PIEZO2: variants seen among roughly 807,000 people sequenced by gnomAD.
PIEZO2 encodes piezo type mechanosensitive ion channel component 2.
PIEZO2 carries 172 observed loss-of-function variants against 337.3 expected under a neutral mutation model. The observed-to-expected ratio is 0.51, with a 90% CI of 0.45 to 0.58. The LOEUF (loss-of-function observed/expected upper bound fraction) is 0.58, where lower values mean the gene tolerates loss of function less well. Ranked by LOEUF, PIEZO2 falls within the 20% of genes least tolerant of loss-of-function variation. The probability of loss-of-function intolerance (pLI) is 0.00; values close to 1 mark genes in which losing one functional copy is unlikely to be tolerated. For missense variants in PIEZO2, 3,028 were observed against 3,391.3 expected, an observed-to-expected ratio of 0.89 and a Z score of 2.66; for synonymous variants, 1,251 against 1,228.5, an observed-to-expected ratio of 1.02 and a Z score of -0.38.
rs2035540637 is a variant in PIEZO2 at position 10,705,480 on chromosome 18, T to C, written c.5855A>G (p.His1952Arg). Residue 1952 changes from histidine to arginine, a missense_variant, in exon 41 of 56, where the codon CAT (histidine) becomes CGT (arginine). Physicochemically the swap from His to Arg is conservative, Grantham distance 29 (BLOSUM62 0). Around this residue, in one of 5 missense-constraint regions of PIEZO2, gnomAD observed 1,925 missense variants for 2,051.9 expected, o/e 0.94. Transcript: ENST00000674853. ...GTCGTCCTGCGAGCCGAAGGACAGA[T>C]GCTCGAAGCTCACAGCCTTGCTGTA... ...PSYSKAVSFE[H>R]LSFGSQDDSA... The C allele has an allele frequency of 1.8e-5, 27 of 1,537,280 alleles. No individual in the cohort carries two copies. Among genetic ancestry groups the C allele is most frequent in the Non-Finnish European group, 2.2e-5 (25 of 1,146,914 alleles).
At chr18:10,681,592 T>C in intron 51 of PIEZO2, 69 bp downstream of exon 51, 2 of 1,309,920 alleles carry the variant, frequency 1.5e-6, no homozygotes, top group Non-Finnish European at 2.2e-6. Flanking sequence ...GGCAAAGCAT[T>C]AAATGACAAT....
intron 8 of PIEZO2, among the ~76,000 whole-genome samples, chr18:10,805,051 C>G (rs995022678): frequency 6.6e-6 from 1 of 152,180 alleles, no homozygotes. Flanking sequence ...CCAGACAGCA[C>G]ATGGCAGTGG....
rs926816455 is a variant in PIEZO2, at chr18:11,132,447, G to T, written c.64+16078C>A. On this transcript the variant is annotated intron_variant, in intron 1 of 55. Transcript: ENST00000674853. The surrounding 1 kb of genome is among the most constrained non-coding windows in gnomAD (Gnocchi z 4.7). ...CAGCTAGGTAACAGTACTTTGCAGG[G>T]CTGGGGCAAAGTTCTCCAGAAGGCC... Among the ~76,000 whole-genome samples the T allele has an allele frequency of 3.9e-5, 6 of 152,138 alleles. No individual in the cohort carries two copies. Among genetic ancestry groups the T allele is most frequent in the Admixed American group, 3.9e-4 (6 of 15,284 alleles).
intron 27 of PIEZO2, among the ~76,000 whole-genome samples, chr18:10,756,508 G>C (rs1222935207): frequency 2.7e-5 from 4 of 149,714 alleles, no homozygotes; most frequent in Admixed American, 2.7e-4. Flanking sequence ...GAGAAATGGA[G>C]GATGAGGAGG....
Position 11,035,433 on chromosome 18 carries a change from C to T in PIEZO2, c.160+30694G>A, listed in dbSNP as rs1568316341. The stretch of plus-strand genomic sequence containing the variant: ...CTTCCTGAGGTCTTGACCAGAAGAA[C>T]GCCAGTGCCGTGCTTGCACAGCCTG... On this transcript the variant is annotated intron_variant, in intron 2 of 55. Transcript: ENST00000674853. The surrounding 1 kb of genome is among the most constrained non-coding windows in gnomAD (Gnocchi z 4.3). Among the ~76,000 whole-genome samples, 1 of 152,080 alleles carries T rather than the reference C, an allele frequency of 6.6e-6. No homozygotes were observed.
Position 10,945,807 on chromosome 18 carries a change from T to C in PIEZO2, c.286+33728A>G, listed in dbSNP as rs1451062630. ...CCATATGTTCAAACAGTTAAGTAGA[T>C]ATAGAGAAGACATCAAAAGAAAAAA... On this transcript the variant is annotated intron_variant, in intron 3 of 55. Coordinates refer to ENST00000674853, the MANE Select transcript of PIEZO2 (RefSeq NM_001378183.1). The surrounding 1 kb of genome is among the most constrained non-coding windows in gnomAD (Gnocchi z 4.0). Among the ~76,000 whole-genome samples, 1 of 152,192 alleles carries C rather than the reference T, an allele frequency of 6.6e-6. No individual in the cohort carries two copies.
chr18:10,955,301 C>G (rs264181), intron 3 of PIEZO2, among the ~76,000 whole-genome samples: 88,395 of 151,932 alleles, frequency 0.58, 26,055 homozygotes, highest in African/African-American at 0.65. Context: ...GGTAGGAAAA[C>G]GAAAACAGAA....
At chr18:10,873,498 T>C (rs764718213) in intron 4 of PIEZO2, among the ~76,000 whole-genome samples, 9 of 152,196 alleles carry the variant, frequency 5.9e-5, no homozygotes, top group Admixed American at 2.6e-4. Flanking sequence ...CATTTATACT[T>C]AACAAAACTA....
chr18:10,817,650 G>A lies in PIEZO2; in HGVS notation c.918-10376C>T, dbSNP rs543568072. Reference sequence around the variant, plus strand: ...AAATAGTAGGACTTTATGGCTGGGCGCGGTGGCTCACGCCTGTAATCCTAG... The same window carrying A: ...AAATAGTAGGACTTTATGGCTGGGCACGGTGGCTCACGCCTGTAATCCTAG... On this transcript the variant is annotated intron_variant, in intron 7 of 55. Coordinates refer to ENST00000674853, the MANE Select transcript of PIEZO2 (RefSeq NM_001378183.1). Among the ~76,000 whole-genome samples the A allele has an allele frequency of 2.3e-3, 352 of 152,222 alleles. 1 individual carries two copies. The highest frequency in any genetic ancestry group is 7.7e-3 in the African/African-American group (322 of 41,558).
At chr18:10,680,471 T>G in intron 51 of PIEZO2, 100 bp from the exon 52 acceptor site, 1 of 1,153,894 alleles carries the variant, frequency 8.7e-7, no homozygotes, top group Non-Finnish European at 1.2e-6. Flanking sequence ...TGGAAAAGGT[T>G]TCTCCCTTTG....
chr18:10,930,684 G>C (rs1355592313), intron 3 of PIEZO2, among the ~76,000 whole-genome samples: 1 of 152,186 alleles, frequency 6.6e-6, no homozygotes, highest in African/African-American at 2.4e-5. Flanking sequence ...AAACCTACAT[G>C]ATCTGGTCAC....
At position 11,110,997 on chromosome 18, in the gene PIEZO2, G is replaced by A. The variant is rs1289067732; in HGVS notation, c.64+37528C>T. Among the ~76,000 whole-genome samples the A allele has an allele frequency of 1.3e-5, 2 of 152,316 alleles. No individual in the cohort carries two copies. The highest frequency in any genetic ancestry group is 1.9e-4 in the East Asian group (1 of 5,182). On this transcript the variant is annotated intron_variant, in intron 1 of 55. Transcript: ENST00000674853. This position sits in a 1 kb window ranked among gnomAD's most constrained non-coding sequence, Gnocchi z 4.2. ...GAGAGCCACTGCAGGGCTTCGGAAC[G>A]GAGGAGAAGCTGAGATACTTCAGTG...
At chr18:10,907,138 T>C (rs1366061005) in intron 4 of PIEZO2, among the ~76,000 whole-genome samples, 1 of 152,148 alleles carries the variant, frequency 6.6e-6, no homozygotes, top group African/African-American at 2.4e-5. Context: ...AGAACAGCAT[T>C]AATCATTGAA....
chr18:10,671,570 G>T lies in PIEZO2; in HGVS notation c.8555C>A (p.Ser2852Ter). 6.2e-7 allele frequency: 1 copy of T among 1,613,638 alleles called. No homozygotes were observed. Among genetic ancestry groups the T allele is most frequent in the South Asian group, 1.1e-5 (1 of 91,018 alleles). Reference protein sequence around the residue: ...LYAKLIFLYRSPETMIKWTRE... With the variant: ...LYAKLIFLYR ...AGTCCATTTGATCATTGTCTCTGGT[G>T]AGCGATATAGGAATATTAATTTGGC... The change falls in exon 56 of 56, where the codon TCA (serine) becomes TAA (stop). Residue 2852 changes from serine (S) to a stop codon, truncating the protein, a stop_gained. Coordinates refer to ENST00000674853, the MANE Select transcript of PIEZO2 (RefSeq NM_001378183.1). LOFTEE classifies it high-confidence loss of function.
chr18:11,089,834 A>C (rs530002248), intron 1 of PIEZO2, among the ~76,000 whole-genome samples: 2 of 152,340 alleles, frequency 1.3e-5, no homozygotes, highest in Admixed American at 1.3e-4. Flanking sequence ...CTGTCCAACG[A>C]GCATTTCCTG....
intron 9 of PIEZO2, among the ~76,000 whole-genome samples, chr18:10,801,664 A>ACCGCAT (rs10684713): frequency 6.6e-6 from 1 of 151,614 alleles, no homozygotes; most frequent in Non-Finnish European, 1.5e-5. Flanking sequence ...CAGATAAGCA[A>ACCGCAT]GTCTATAAAT....
At chr18:10,771,362 T>C (rs2038597945) in intron 20 of PIEZO2, among the ~76,000 whole-genome samples, 1 of 152,242 alleles carries the variant, frequency 6.6e-6, no homozygotes, top group Admixed American at 6.5e-5. Context: ...AAATTACTTA[T>C]TTTATTATTT....
intron 21 of PIEZO2, among the ~76,000 whole-genome samples, chr18:10,764,446 C>G (rs1257073264): frequency 1.3e-5 from 2 of 152,092 alleles, no homozygotes; most frequent in Non-Finnish European, 2.9e-5. Flanking sequence ...TCAAGACCGG[C>G]CCGGCCAAGA....
intron 1 of PIEZO2, among the ~76,000 whole-genome samples, chr18:11,081,584 C>A (rs2038743579): frequency 6.6e-6 from 1 of 152,126 alleles, no homozygotes; most frequent in African/African-American, 2.4e-5. Context: ...CATCCTGGGG[C>A]CACTTCTCAG....
Sources: allele counts gnomAD v4.1 joint callset (sites outside exome capture counted in the v4.1 genomes callset), GRCh38; gene constraint gnomAD v4.1.1; regional missense constraint gnomAD v4.1.1; non-coding constraint Gnocchi (gnomAD v3.1); transcripts MANE v1.5; gene names NCBI Gene and HGNC (gene_info 2026-07-23, HGNC 2026-07-21).